B3GALT1: variants seen among roughly 807,000 people sequenced by gnomAD.
B3GALT1 encodes UDP-Gal:betaGlcNAc beta 1,3-galactosyltransferase, polypeptide 1.
Under a neutral mutation model 23.2 loss-of-function variants are expected in B3GALT1, and 10 were observed. The observed-to-expected ratio is 0.43, with a 90% CI of 0.27 to 0.73. B3GALT1 has a LOEUF of 0.73. Among genes scored for constraint, B3GALT1 ranks in the 30% least tolerant of loss-of-function variants. The pLI is 0.21. For missense variants in B3GALT1, 299 were observed against 405.4 expected (o/e 0.74, Z 2.25); for synonymous variants, 156 against 141.5 (o/e 1.10, Z -0.73).
chr2:167,820,261 A>G (rs555314968), intron 4 of B3GALT1, among the ~76,000 whole-genome samples: 1 of 152,230 alleles, frequency 6.6e-6, no homozygotes, highest in Non-Finnish European at 1.5e-5. Context: ...AATAAGCACT[A>G]TGAAGAAAAC....
chr2:167,474,309 G>C (rs1371626875), intron 1 of B3GALT1, among the ~76,000 whole-genome samples: 1 of 152,140 alleles, frequency 6.6e-6, no homozygotes, highest in East Asian at 1.9e-4. Flanking sequence ...TGGATATTAG[G>C]CTGAATTGAT....
At chr2:167,339,659 A>G (rs1426452417) in intron 1 of B3GALT1, among the ~76,000 whole-genome samples, 4 of 152,232 alleles carry the variant, frequency 2.6e-5, no homozygotes, top group African/African-American at 4.8e-5. Context: ...CTAGTCTAAC[A>G]TAAGCAAATG....
At chr2:167,688,281 G>A (rs1686649708) in intron 3 of B3GALT1, among the ~76,000 whole-genome samples, 1 of 151,922 alleles carries the variant, frequency 6.6e-6, no homozygotes, top group Admixed American at 6.6e-5. Context: ...ATATCAAATG[G>A]AATGAAAAAG....
intron 3 of B3GALT1, among the ~76,000 whole-genome samples, chr2:167,712,356 A>C (rs79062110): frequency 6.6e-6 from 1 of 151,838 alleles, no homozygotes; most frequent in Non-Finnish European, 1.5e-5. Flanking sequence ...ACATGTGATT[A>C]GTGTTGGATG....
At chr2:167,450,936 ACTTTGT>A (rs1283432009) in intron 1 of B3GALT1, among the ~76,000 whole-genome samples, 1 of 151,800 alleles carries the variant, frequency 6.6e-6, no homozygotes, top group African/African-American at 2.4e-5. Context: ...TAATTCGGAA[ACTTTGT>A]CTTTGAGCTC....
intron 1 of B3GALT1, among the ~76,000 whole-genome samples, chr2:167,470,657 C>T (rs948867950): frequency 2.6e-5 from 4 of 151,920 alleles, no homozygotes; most frequent in African/African-American, 9.7e-5. Context: ...TGTCCCACCC[C>T]CATAATCTCC....
chr2:167,668,743 A>C (rs867005143), intron 3 of B3GALT1, among the ~76,000 whole-genome samples: 4 of 152,154 alleles, frequency 2.6e-5, no homozygotes, highest in African/African-American at 9.7e-5. Context: ...TTCTTTGACT[A>C]GGAAAGGGAA....
At chr2:167,354,352 T>C (rs1198742024) in intron 1 of B3GALT1, among the ~76,000 whole-genome samples, 2 of 149,238 alleles carry the variant, frequency 1.3e-5, no homozygotes, top group East Asian at 2.0e-4. Flanking sequence ...ATCTTCTTTT[T>C]TTTTTTTTTT....
At chr2:167,299,910 T>C (rs1380037485) in intron 1 of B3GALT1, among the ~76,000 whole-genome samples, 3 of 151,846 alleles carry the variant, frequency 2.0e-5, no homozygotes, top group Non-Finnish European at 4.4e-5. Context: ...TTTATTTCTT[T>C]ATTTATTTTG....
At chr2:167,528,828 A>G (rs1006724418) in intron 2 of B3GALT1, among the ~76,000 whole-genome samples, 1 of 152,066 alleles carries the variant, frequency 6.6e-6, no homozygotes. Context: ...AAACATAGAG[A>G]TCTTAGGATT....
chr2:167,755,969 C>T (rs972270331), intron 3 of B3GALT1, among the ~76,000 whole-genome samples: 1 of 151,664 alleles, frequency 6.6e-6, no homozygotes, highest in African/African-American at 2.4e-5. Flanking sequence ...AGTGAGACCT[C>T]GTCTCTTAAA....
chr2:167,692,026 A>G lies in B3GALT1; in HGVS notation c.-352+45060A>G, dbSNP rs73971224. On this transcript the variant is annotated intron_variant, in intron 3 of 4. Transcript: ENST00000392690. ...TTAGTTGGCCTTCCTTGAGTGGCAC[A>G]CATTTTAGCAAATAAAACCCATTGC... Among the ~76,000 whole-genome samples the G allele has an allele frequency of 9.9e-3, 1,504 of 152,236 alleles. 19 individuals carry two copies. Among genetic ancestry groups the G allele is most frequent in the African/African-American group, 0.033 (1,383 of 41,556 alleles).
chr2:167,669,163 G>A (rs1389978494), intron 3 of B3GALT1, among the ~76,000 whole-genome samples: 1 of 152,096 alleles, frequency 6.6e-6, no homozygotes, highest in Non-Finnish European at 1.5e-5. Flanking sequence ...ATTGAATGAA[G>A]ACATACTTTT....
At chr2:167,790,347 T>G (rs1032139954) in intron 3 of B3GALT1, among the ~76,000 whole-genome samples, 1 of 152,184 alleles carries the variant, frequency 6.6e-6, no homozygotes, top group Non-Finnish European at 1.5e-5. Flanking sequence ...GCTTTGGTAA[T>G]CTACATCTGC....
At chr2:167,336,640 C>T (rs1173769949) in intron 1 of B3GALT1, among the ~76,000 whole-genome samples, 3 of 151,992 alleles carry the variant, frequency 2.0e-5, no homozygotes, top group Admixed American at 2.0e-4. Flanking sequence ...AATATAGATA[C>T]TTATTAGTAA....
At chr2:167,527,395 AT>A (rs35251215) in intron 2 of B3GALT1, among the ~76,000 whole-genome samples, 57,267 of 151,820 alleles carry the variant, frequency 0.38, 11,944 homozygotes, top group East Asian at 0.87. Context: ...TTCAATCTTT[AT>A]CCATTATCTT....
rs1730715 is a variant in B3GALT1, at chr2:167,614,945, G to C, written c.-409-31964G>C. Among the ~76,000 whole-genome samples the C allele has an allele frequency of 3.3e-5, 5 of 151,904 alleles. No homozygotes were observed. In the South Asian group the frequency reaches 1.0e-3, roughly 31 times the overall value. The stretch of plus-strand genomic sequence containing the variant: ...GGTTACTCTTAAAAGAAGTTTCAGA[G>C]TGATTTGAATGTTAAAAATAAGAAT... On this transcript the variant is annotated intron_variant, in intron 2 of 4. Coordinates refer to ENST00000392690, the MANE Select transcript of B3GALT1 (RefSeq NM_020981.4).
Position 167,387,600 on chromosome 2 carries a change from C to T in B3GALT1, c.-511+94266C>T, listed in dbSNP as rs139092498. On this transcript the variant is annotated intron_variant, in intron 1 of 4. Coordinates refer to ENST00000392690, the MANE Select transcript of B3GALT1 (RefSeq NM_020981.4). ...ACCACTACACTTGCTGTAAAAACTT[C>T]GAAAGAGGGTCTGAATCAATTCGTT... is the stretch of plus-strand genomic sequence containing the variant. 1.1e-3 allele frequency among the ~76,000 whole-genome samples: 175 copies of T among 152,250 alleles called. 1 individual carries two copies. The East Asian group carries it at 0.018, about 16-fold the overall frequency.
chr2:167,350,049 A>G (rs1229047125), intron 1 of B3GALT1, among the ~76,000 whole-genome samples: 1 of 152,230 alleles, frequency 6.6e-6, no homozygotes, highest in Non-Finnish European at 1.5e-5. Context: ...CTTATTTGTA[A>G]TAACCAATTG....
Sources: gnomAD v4.1 joint callset for allele counts (sites outside exome capture counted in the v4.1 genomes callset) on GRCh38, gnomAD v4.1.1 for gene constraint, MANE v1.5 for transcripts, NCBI Gene and HGNC (gene_info 2026-07-23, HGNC 2026-07-21) for gene names.